Variants in VRK1 observed in about 807,000 individuals in gnomAD.
VRK1 encodes the protein serine/threonine-protein kinase VRK1.
VRK1 carries 33 observed loss-of-function variants against 57.1 expected under a neutral mutation model. That is an observed-to-expected ratio of 0.58 (90% CI 0.44 to 0.77). The LOEUF is 0.77. Ranked by LOEUF, VRK1 falls within the 30% of genes least tolerant of loss-of-function variation. The pLI, the probability that VRK1 is intolerant of heterozygous loss-of-function variation, is 0.00. For synonymous variants in VRK1, 137 were observed against 147.8 expected, an observed-to-expected ratio of 0.93 and a Z score of 0.53; for missense variants, 413 against 477.3, an observed-to-expected ratio of 0.87 and a Z score of 1.25.
chr14:96,820,685 T>C (rs142489120), intron 1 of VRK1, among the ~76,000 whole-genome samples: 19,904 of 152,216 alleles, frequency 0.13, 1,652 homozygotes, highest in Non-Finnish European at 0.19. Context: ...GTGAGAAATG[T>C]CCATTAAAAT....
At chr14:96,821,377 A>G (rs1489564716) in intron 1 of VRK1, among the ~76,000 whole-genome samples, 2 of 152,186 alleles carry the variant, frequency 1.3e-5, no homozygotes, top group South Asian at 2.1e-4. Context: ...ACTAATACCA[A>G]TTGTTTCTAC....
intron 5 of VRK1, among the ~76,000 whole-genome samples, chr14:96,848,399 AG>A (rs1397053980): frequency 6.6e-6 from 1 of 152,112 alleles, no homozygotes; most frequent in African/African-American, 2.4e-5. Context: ...GCAAGGACAA[AG>A]TGATCACAGC....
chr14:96,857,117 C>T lies in VRK1; in HGVS notation c.889+531C>T, dbSNP rs1335024726. On this transcript the variant is annotated intron_variant, in intron 10 of 12. Coordinates refer to ENST00000216639, the MANE Select transcript of VRK1 (RefSeq NM_003384.3). Reference sequence around the variant, plus strand: ...TATTGTGTGCCAGGGACTGGGGGTACATCAGTGAACAAAACAAATATCCCT... The same window carrying T: ...TATTGTGTGCCAGGGACTGGGGGTATATCAGTGAACAAAACAAATATCCCT... Among the ~76,000 whole-genome samples the T allele has an allele frequency of 2.6e-5, 4 of 152,162 alleles. 1 individual carries two copies. Among genetic ancestry groups the T allele is most frequent in the Non-Finnish European group, 5.9e-5 (4 of 68,038 alleles).
chr14:96,825,547 A>C (rs1173917185), intron 1 of VRK1, among the ~76,000 whole-genome samples: 1 of 152,206 alleles, frequency 6.6e-6, no homozygotes, highest in Non-Finnish European at 1.5e-5. Context: ...CGAGGAGCTT[A>C]TAAGCTTATA....
intron 1 of VRK1, among the ~76,000 whole-genome samples, chr14:96,801,594 C>CA (rs1885665040): frequency 6.6e-6 from 1 of 152,160 alleles, no homozygotes; most frequent in African/African-American, 2.4e-5. Flanking sequence ...TGCTGACCCC[C>CA]ATGCAGTTGA....
At chr14:96,873,812 T>C (rs1044750987) in intron 11 of VRK1, among the ~76,000 whole-genome samples, 4 of 152,260 alleles carry the variant, frequency 2.6e-5, no homozygotes, top group African/African-American at 9.6e-5. Flanking sequence ...GTTTTTTAAT[T>C]GGTCTGTAGA....
At position 96,828,903 on chromosome 14, in the gene VRK1, A is replaced by G. The variant is rs141704590; in HGVS notation, c.-5-4564A>G. Among the ~76,000 whole-genome samples the G allele has an allele frequency of 3.7e-3, 563 of 152,344 alleles. 1 individual carries two copies. The highest frequency in any genetic ancestry group is 6.2e-3 in the Non-Finnish European group (421 of 68,030). On this transcript the variant is annotated intron_variant, in intron 1 of 12. Transcript: ENST00000216639. ...GAGGCCACCTGAGATTATAGGGGCC[A>G]GCAAGAGCAAGAGGGAATCCTCCAC...
At chr14:96,847,115 T>C (rs968289858) in intron 4 of VRK1, 142 bp from the exon 5 acceptor site, 16 of 656,692 alleles carry the variant, frequency 2.4e-5, no homozygotes, top group Non-Finnish European at 4.3e-5. Context: ...TTATTCGTTA[T>C]ACTGTATTCT....
intron 1 of VRK1, among the ~76,000 whole-genome samples, chr14:96,800,337 T>A (rs980399117): frequency 6.6e-6 from 1 of 152,132 alleles, no homozygotes; most frequent in Non-Finnish European, 1.5e-5. Flanking sequence ...GCTCCATCTC[T>A]CCCAATGTTG....
At chr14:96,827,582 G>A (rs768411032) in intron 1 of VRK1, among the ~76,000 whole-genome samples, 1 of 152,088 alleles carries the variant, frequency 6.6e-6, no homozygotes, top group East Asian at 1.9e-4. Flanking sequence ...GTGGGTCACT[G>A]CCACAGTCTG....
Position 96,846,082 on chromosome 14 carries a change from CTT to C in VRK1, c.217-12_217-11del, listed in dbSNP as rs1887672952. On this transcript the variant is annotated splice_polypyrimidine_tract_variant and intron_variant, in intron 3 of 12. Coordinates refer to ENST00000216639, the MANE Select transcript of VRK1 (RefSeq NM_003384.3). The stretch of plus-strand genomic sequence containing the variant: ...TAACTACTGCTAGTACTAATTAACT[CTT>C]ATATTTTAAGGAACCCAGTGACAAT... The C allele has an allele frequency of 2.5e-6, 4 of 1,610,720 alleles. No homozygotes were observed. Among genetic ancestry groups the C allele is most frequent in the South Asian group, 2.2e-5 (2 of 91,024 alleles).
intron 3 of VRK1, among the ~76,000 whole-genome samples, chr14:96,842,650 T>C (rs1436915389): frequency 6.6e-6 from 1 of 152,236 alleles, no homozygotes; most frequent in Admixed American, 6.5e-5. Context: ...AATGTGAAAT[T>C]TTACTTAATA....
intron 10 of VRK1, among the ~76,000 whole-genome samples, chr14:96,860,055 T>C (rs77075693): frequency 0.014 from 2,192 of 152,266 alleles, 183 homozygotes; most frequent in Admixed American, 0.13. Context: ...AAGCTGATTT[T>C]TCTCTTTTAT....
At chr14:96,867,178 T>C (rs1233367865) in intron 11 of VRK1, among the ~76,000 whole-genome samples, 1 of 152,178 alleles carries the variant, frequency 6.6e-6, no homozygotes, top group African/African-American at 2.4e-5. Flanking sequence ...ATGTCCTTTC[T>C]CTTGACTTTA....
chr14:96,811,772 C>CT (rs1886216519), intron 1 of VRK1, among the ~76,000 whole-genome samples: 1 of 90,438 alleles, frequency 1.1e-5, no homozygotes, highest in South Asian at 3.9e-4. Context: ...CTCTCATTAA[C>CT]CTTTTTTTTT....
chr14:96,798,138 G>T (rs1190947678), intron 1 of VRK1, among the ~76,000 whole-genome samples: 1 of 152,190 alleles, frequency 6.6e-6, no homozygotes, highest in African/African-American at 2.4e-5. Context: ...GGTCTGTCTG[G>T]TGCAAGGCAG....
chr14:96,847,158 T>G, intron 4 of VRK1, 99 bp from the exon 5 acceptor site: 1 of 877,774 alleles, frequency 1.1e-6, no homozygotes. Context: ...AGGTGAATTC[T>G]TATTGCATGT....
At chr14:96,874,106 A>G (rs1368834210) in intron 11 of VRK1, among the ~76,000 whole-genome samples, 2 of 152,314 alleles carry the variant, frequency 1.3e-5, no homozygotes, top group East Asian at 1.9e-4. Flanking sequence ...CTTTATGATG[A>G]GCATTTAAAA....
intron 11 of VRK1, among the ~76,000 whole-genome samples, chr14:96,866,369 A>C (rs1003792842): frequency 1.1e-4 from 16 of 152,304 alleles, no homozygotes; most frequent in Admixed American, 6.5e-4. Flanking sequence ...TACCCAGAAG[A>C]AGCAAAAATG....
Sources: allele counts gnomAD v4.1 joint callset (sites outside exome capture counted in the v4.1 genomes callset), GRCh38; gene constraint gnomAD v4.1.1; transcripts MANE v1.5; gene names NCBI Gene and HGNC (gene_info 2026-07-23, HGNC 2026-07-21).